AGBL4: variants seen among roughly 807,000 people sequenced by gnomAD.
The protein encoded by AGBL4 is cytosolic carboxypeptidase 6.
A neutral mutation model predicts 66.4 loss-of-function variants in AGBL4; 58 were observed. The ratio of observed to expected loss-of-function variants is 0.87; its 90% CI spans 0.71 to 1.09. The LOEUF is 1.09. Among genes scored for constraint, AGBL4 ranks in the 50% least tolerant of loss-of-function variants. The probability of loss-of-function intolerance (pLI) is 0.00; values close to 1 mark genes in which losing one functional copy is unlikely to be tolerated. For synonymous variants in AGBL4, 234 were observed against 222.9 expected (o/e 1.05, Z -0.44); for missense variants, 579 against 631.0 (o/e 0.92, Z 0.88).
chr1:48,621,930 A>C (rs320033), intron 9 of AGBL4, among the ~76,000 whole-genome samples: 72,530 of 151,886 alleles, frequency 0.48, 19,356 homozygotes, highest in Middle Eastern at 0.65. Context: ...TATATTTTAC[A>C]ACCCAGAAAC....
At chr1:49,508,141 T>C (rs1231385356) in intron 3 of AGBL4, among the ~76,000 whole-genome samples, 1 of 152,000 alleles carries the variant, frequency 6.6e-6, no homozygotes, top group Non-Finnish European at 1.5e-5. Context: ...AATAGTTTCA[T>C]GTATAATTAT....
At chr1:48,965,631 A>T (rs1215708005) in intron 5 of AGBL4, among the ~76,000 whole-genome samples, 1 of 152,092 alleles carries the variant, frequency 6.6e-6, no homozygotes, top group Admixed American at 6.5e-5. Flanking sequence ...AGTTCCTGAC[A>T]ATTTGAGTTG....
intron 3 of AGBL4, among the ~76,000 whole-genome samples, chr1:49,285,201 T>A (rs923028422): frequency 1.3e-5 from 2 of 152,094 alleles, no homozygotes; most frequent in Non-Finnish European, 2.9e-5. Flanking sequence ...AAAATAGCAC[T>A]CAGGATTAAG....
intron 3 of AGBL4, among the ~76,000 whole-genome samples, chr1:49,344,438 G>C (rs1416098450): frequency 1.3e-5 from 2 of 152,164 alleles, no homozygotes; most frequent in Admixed American, 1.3e-4. Context: ...TAGTGCACAG[G>C]CTTAAAGGAT....
chr1:48,839,954 G>T (rs867891451), intron 6 of AGBL4, among the ~76,000 whole-genome samples: 1 of 152,050 alleles, frequency 6.6e-6, no homozygotes, highest in African/African-American at 2.4e-5. Context: ...TTCCTCACTT[G>T]ACAATTGCTC....
At chr1:48,757,633 CA>C (rs1322276403) in intron 6 of AGBL4, among the ~76,000 whole-genome samples, 2 of 152,144 alleles carry the variant, frequency 1.3e-5, no homozygotes, top group Non-Finnish European at 2.9e-5. Flanking sequence ...CTTCTTGGAC[CA>C]CCCAAAGATC....
chr1:49,944,248 T>C (rs1372588877), intron 1 of AGBL4, among the ~76,000 whole-genome samples: 1 of 152,002 alleles, frequency 6.6e-6, no homozygotes, highest in Non-Finnish European at 1.5e-5. Flanking sequence ...CCAACCAGCA[T>C]AGAAATAGTA....
At chr1:49,851,375 A>G in intron 2 of AGBL4, 21 bp downstream of exon 2, 7 of 1,529,162 alleles carry the variant, frequency 4.6e-6, no homozygotes, top group Non-Finnish European at 6.1e-6. Flanking sequence ...ACTTAAAAGG[A>G]AAAGCCTTTA....
At chr1:49,802,737 C>G (rs1644891890) in intron 2 of AGBL4, among the ~76,000 whole-genome samples, 1 of 152,092 alleles carries the variant, frequency 6.6e-6, no homozygotes, top group African/African-American at 2.4e-5. Context: ...AAGGCGGTGA[C>G]CCCCCTGGAC....
At chr1:49,916,488 T>A (rs757993511) in intron 1 of AGBL4, among the ~76,000 whole-genome samples, 1 of 152,160 alleles carries the variant, frequency 6.6e-6, no homozygotes, top group African/African-American at 2.4e-5. Flanking sequence ...GTATCAGTGA[T>A]TGAAGATCAA....
At chr1:49,920,792 G>A (rs140882806) in intron 1 of AGBL4, among the ~76,000 whole-genome samples, 6 of 152,232 alleles carry the variant, frequency 3.9e-5, no homozygotes, top group East Asian at 1.9e-4. Context: ...ACATGCACAC[G>A]TATGTTTATT....
chr1:48,856,318 A>G (rs1191544104), intron 6 of AGBL4, among the ~76,000 whole-genome samples: 1 of 152,250 alleles, frequency 6.6e-6, no homozygotes, highest in Non-Finnish European at 1.5e-5. Context: ...GATTGCAATT[A>G]TGTAAATATG....
chr1:48,755,432 T>A (rs1024188822), intron 6 of AGBL4, among the ~76,000 whole-genome samples: 7 of 152,216 alleles, frequency 4.6e-5, no homozygotes, highest in African/African-American at 1.7e-4. Context: ...GACAAAGGCC[T>A]TTGAGCTAGG....
chr1:49,192,542 G>A (rs1285781160), intron 4 of AGBL4, among the ~76,000 whole-genome samples: 1 of 152,154 alleles, frequency 6.6e-6, no homozygotes, highest in African/African-American at 2.4e-5. Flanking sequence ...CAGGTGATCT[G>A]CCTGCCTTAG....
intron 9 of AGBL4, among the ~76,000 whole-genome samples, chr1:48,617,363 T>C (rs1201183972): frequency 1.3e-5 from 2 of 152,238 alleles, no homozygotes; most frequent in African/African-American, 4.8e-5. Flanking sequence ...CTGGTGCTGA[T>C]TGCATAATCA....
intron 3 of AGBL4, among the ~76,000 whole-genome samples, chr1:49,375,773 CA>C (rs376753702): frequency 2.6e-3 from 400 of 152,168 alleles, no homozygotes; most frequent in Non-Finnish European, 4.0e-3. Context: ...TCCTGCTTCA[CA>C]AAAGATTCCA....
chr1:48,967,005 T>C (rs1330932526), intron 5 of AGBL4, among the ~76,000 whole-genome samples: 1 of 151,680 alleles, frequency 6.6e-6, no homozygotes, highest in Non-Finnish European at 1.5e-5. Flanking sequence ...GAGAGCCATA[T>C]TGTAGTGTTC....
intron 3 of AGBL4, among the ~76,000 whole-genome samples, chr1:49,574,111 C>T (rs1309083925): frequency 3.3e-5 from 5 of 152,106 alleles, no homozygotes; most frequent in Non-Finnish European, 7.3e-5. Context: ...TCAGTGGGCC[C>T]CTAGAGGTAA....
intron 1 of AGBL4, among the ~76,000 whole-genome samples, chr1:49,999,159 G>A (rs1053049543): frequency 7.9e-5 from 12 of 151,644 alleles, no homozygotes; most frequent in Admixed American, 2.6e-4. Flanking sequence ...TATATGATAC[G>A]ATCATATACC....
Sources: gnomAD v4.1 joint callset for allele counts (sites outside exome capture counted in the v4.1 genomes callset) on GRCh38, gnomAD v4.1.1 for gene constraint, MANE v1.5 for transcripts, NCBI Gene and HGNC (gene_info 2026-07-23, HGNC 2026-07-21) for gene names.